DISC1: variants seen among roughly 807,000 people sequenced by gnomAD.
DISC1 encodes the protein DISC1 scaffold protein.
A neutral mutation model predicts 84.5 loss-of-function variants in DISC1; 57 were observed. The observed-to-expected ratio is 0.67, with a 90% CI of 0.55 to 0.84. The LOEUF is 0.84. DISC1 is among the 40% of genes least tolerant of loss of function. DISC1 has a pLI of 0.00. For synonymous variants in DISC1, 411 were observed against 415.2 expected (o/e 0.99, Z 0.12); for missense variants, 1,000 against 1,057.8 (o/e 0.95, Z 0.76).
rs563183380 is a variant in DISC1 at position 231,835,249 on chromosome 1, G to C, written c.1981+16732G>C. Among the ~76,000 whole-genome samples, 3 of 152,188 alleles carry C rather than the reference G, an allele frequency of 2.0e-5. No individual in the cohort carries two copies. In the South Asian group the frequency reaches 6.2e-4, roughly 31 times the overall value. On this transcript the variant is annotated intron_variant, in intron 9 of 12. Coordinates refer to ENST00000439617, the MANE Select transcript of DISC1 (RefSeq NM_018662.3). ...ACGGCACCAAATTTCACTCGCGTCC[G>C]TGTGAAGAGACCGCTAAACAGGCTT...
rs2073655579 is a variant in DISC1, at chr1:231,743,968, G to A, written c.1118-5958G>A. Reference sequence around the variant, plus strand: ...TGGGCCAGTGCAGGAAAAGAGTTAGGTTGAGAGGCACGCTGTGACTCATGT... The same window carrying A: ...TGGGCCAGTGCAGGAAAAGAGTTAGATTGAGAGGCACGCTGTGACTCATGT... On this transcript the variant is annotated intron_variant, in intron 3 of 12. Transcript: ENST00000439617. Among the ~76,000 whole-genome samples the A allele has an allele frequency of 3.3e-5, 5 of 152,264 alleles. No individual in the cohort carries two copies. The South Asian group carries it at 1.0e-3, about 32-fold the overall frequency.
intron 1 of DISC1, among the ~76,000 whole-genome samples, chr1:231,639,984 C>T (rs552145608): frequency 9.8e-5 from 15 of 152,306 alleles, no homozygotes; most frequent in Admixed American, 1.3e-4. Context: ...AAAACAGATG[C>T]TTGTTCCCAC....
In DISC1 at chr1:231,652,342, G is replaced by A. The variant is rs181473073; in HGVS notation, c.67+25408G>A. ...ATATTGTTATTATTGTGTTATTATC[G>A]TTATTATCATGTTATTTTCTTACCC... On this transcript the variant is annotated intron_variant, in intron 1 of 12. Coordinates refer to ENST00000439617, the MANE Select transcript of DISC1 (RefSeq NM_018662.3). Among the ~76,000 whole-genome samples, 521 of 152,210 alleles carry A rather than the reference G, an allele frequency of 3.4e-3. 1 individual carries two copies. Among genetic ancestry groups the A allele is most frequent in the Non-Finnish European group, 4.3e-3 (294 of 68,006 alleles).
chr1:231,768,754 A>G (rs1458157049), intron 5 of DISC1, among the ~76,000 whole-genome samples: 3 of 152,252 alleles, frequency 2.0e-5, no homozygotes, highest in Admixed American at 6.5e-5. Flanking sequence ...AGTGATAAAC[A>G]TAATAAAACC....
intron 9 of DISC1, among the ~76,000 whole-genome samples, chr1:231,950,131 A>G (rs1054598564): frequency 3.9e-5 from 6 of 152,012 alleles, no homozygotes; most frequent in Non-Finnish European, 7.4e-5. Context: ...TTAAGAAGAT[A>G]GTATTCCACT....
chr1:231,886,795 CTTTCT>C (rs2086766470), intron 9 of DISC1, among the ~76,000 whole-genome samples: 3 of 142,326 alleles, frequency 2.1e-5, no homozygotes, highest in African/African-American at 7.8e-5. Context: ...TTCTTTCTTT[CTTTCT>C]TTCTTTCTTT....
intron 7 of DISC1, among the ~76,000 whole-genome samples, chr1:231,799,578 A>T (rs751475821): frequency 1.8e-4 from 28 of 151,938 alleles, no homozygotes; most frequent in Non-Finnish European, 3.8e-4. Context: ...CTTTCCTCCC[A>T]GGCAGCGACT....
At chr1:231,798,113 C>CACACACACACACA (rs1553353422) in intron 7 of DISC1, among the ~76,000 whole-genome samples, 50 of 147,182 alleles carry the variant, frequency 3.4e-4, no homozygotes, top group Middle Eastern at 3.4e-3. Flanking sequence ...GTTAGACACA[C>CACACACACACACA]CACACACACA....
At chr1:231,985,842 A>G (rs1664348244) in intron 10 of DISC1, among the ~76,000 whole-genome samples, 1 of 152,204 alleles carries the variant, frequency 6.6e-6, no homozygotes, top group African/African-American at 2.4e-5. Flanking sequence ...GACTCATCAC[A>G]TGAGTTCCTA....
intron 1 of DISC1, among the ~76,000 whole-genome samples, chr1:231,645,382 G>A (rs2060036103): frequency 6.6e-6 from 1 of 152,158 alleles, no homozygotes; most frequent in Admixed American, 6.5e-5. Flanking sequence ...GGCCTTTAGA[G>A]CAGGGACCTT....
At chr1:231,913,599 A>G (rs1246169478) in intron 9 of DISC1, among the ~76,000 whole-genome samples, 1 of 152,158 alleles carries the variant, frequency 6.6e-6, no homozygotes, top group Non-Finnish European at 1.5e-5. Flanking sequence ...CCTCTTTACA[A>G]GTGTCTTGGG....
Position 231,866,422 on chromosome 1 carries a change from A to T in DISC1, c.1981+47905A>T, listed in dbSNP as rs571872918. Reference sequence around the variant, plus strand: ...AAATGTAACAATTCTTTGATTTATTAAAAAAAATAACATCAATGATAATGA... The same window carrying T: ...AAATGTAACAATTCTTTGATTTATTTAAAAAAATAACATCAATGATAATGA... On this transcript the variant is annotated intron_variant, in intron 9 of 12. Coordinates refer to ENST00000439617, the MANE Select transcript of DISC1 (RefSeq NM_018662.3). 2.5e-4 allele frequency: 165 copies of T among 670,918 alleles called. No homozygotes were observed. In the East Asian group the frequency reaches 4.0e-3, roughly 16 times the overall value. 41.6% of individuals were successfully genotyped at this position (670,918 alleles called of 1,614,324 possible).
chr1:231,913,083 A>G (rs2089374393), intron 9 of DISC1, among the ~76,000 whole-genome samples: 1 of 151,866 alleles, frequency 6.6e-6, no homozygotes, highest in African/African-American at 2.4e-5. Flanking sequence ...AATTTTTTAC[A>G]GTATTTTTTA....
At chr1:231,701,857 C>A in intron 2 of DISC1, 98 bp from the exon 3 acceptor site, 3 of 988,722 alleles carry the variant, frequency 3.0e-6, no homozygotes, top group Non-Finnish European at 2.9e-6. Context: ...TGAAGAAGTT[C>A]AGTTTTGAAA....
intron 10 of DISC1, among the ~76,000 whole-genome samples, chr1:231,973,634 A>T (rs1283937907): frequency 1.3e-5 from 2 of 152,272 alleles, no homozygotes; most frequent in African/African-American, 4.8e-5. Flanking sequence ...TGTCCGTGGC[A>T]GTCCTGCATT....
At chr1:232,006,549 G>C (rs1667467207) in intron 10 of DISC1, among the ~76,000 whole-genome samples, 1 of 152,150 alleles carries the variant, frequency 6.6e-6, no homozygotes, top group Non-Finnish European at 1.5e-5. Context: ...TGTCTAAGCA[G>C]CAAAGCATTC....
chr1:231,771,175 C>T, intron 6 of DISC1, 105 bp downstream of exon 6: 1 of 1,460,848 alleles, frequency 6.8e-7, no homozygotes, highest in Non-Finnish European at 9.0e-7. Context: ...CCCAAGCAGT[C>T]TGTATTTTTC....
At chr1:231,733,576 A>G (rs1342801509) in intron 3 of DISC1, among the ~76,000 whole-genome samples, 7 of 115,358 alleles carry the variant, frequency 6.1e-5, no homozygotes, top group Non-Finnish European at 1.1e-4. Flanking sequence ...AGTGCTGGTG[A>G]TGGTGGGAGT....
At chr1:232,036,637 G>A in intron 12 of DISC1, 55 bp from the exon 13 acceptor site, 2 of 1,453,172 alleles carry the variant, frequency 1.4e-6, no homozygotes, top group Non-Finnish European at 1.8e-6. Flanking sequence ...CGATCCCTCG[G>A]AGGCCGCAGA....
Sources: allele counts gnomAD v4.1 joint callset (sites outside exome capture counted in the v4.1 genomes callset), GRCh38; gene constraint gnomAD v4.1.1; transcripts MANE v1.5; gene names NCBI Gene and HGNC (gene_info 2026-07-23, HGNC 2026-07-21).